STK32A: variants seen among roughly 807,000 people sequenced by gnomAD.
STK32A encodes serine/threonine kinase 32A.
STK32A carries 41 observed loss-of-function variants against 53.2 expected under a neutral mutation model. The ratio of observed to expected loss-of-function variants is 0.77; its 90% CI spans 0.60 to 1.00. The LOEUF is 1.00. STK32A is among the 50% of genes least tolerant of loss of function. The pLI is 0.00. For missense variants in STK32A, 458 were observed against 485.8 expected (o/e 0.94, Z 0.54); for synonymous variants, 166 against 162.8 (o/e 1.02, Z -0.15).
At position 147,279,273 on chromosome 5, in the gene STK32A, CAAG is replaced by C. The variant is rs767115447; in HGVS notation, c.140_142del (p.Lys47del). The C allele has an allele frequency of 2.5e-6, 4 of 1,613,602 alleles. No individual in the cohort carries two copies. Among genetic ancestry groups the C allele is most frequent in the East Asian group, 4.5e-5 (2 of 44,882 alleles). The stretch of plus-strand genomic sequence containing the variant: ...TCTGCATTGTACAGAAGAATGATAC[CAAG>C]AAGATGTACGCAATGAAGTACATGA... On this transcript the variant is annotated inframe_deletion, in exon 4 of 13. Transcript: ENST00000397936.
chr5:147,291,549 AT>A (rs776301593), intron 4 of STK32A, among the ~76,000 whole-genome samples: 2 of 134,768 alleles, frequency 1.5e-5, no homozygotes, highest in East Asian at 4.3e-4. Flanking sequence ...AACAATTACA[AT>A]TAAAAAAAAA....
intron 6 of STK32A, chr5:147,348,645 G>A (rs1300790791): frequency 2.0e-5 from 15 of 755,478 alleles, no homozygotes; most frequent in Middle Eastern, 2.3e-4. Context: ...ACAGTTGCAT[G>A]TCTGGCTGCT....
intron 2 of STK32A, among the ~76,000 whole-genome samples, chr5:147,241,407 A>C (rs895134034): frequency 3.3e-5 from 5 of 152,140 alleles, no homozygotes; most frequent in African/African-American, 1.2e-4. Context: ...GGAACCCGGG[A>C]GGCGGAGCTT....
intron 11 of STK32A, among the ~76,000 whole-genome samples, chr5:147,378,717 T>C (rs968207669): frequency 6.6e-6 from 1 of 151,942 alleles, no homozygotes; most frequent in Non-Finnish European, 1.5e-5. Context: ...CTCTCTGAGT[T>C]CTCTATTCTG....
At chr5:147,293,922 T>C (rs114316116) in intron 4 of STK32A, among the ~76,000 whole-genome samples, 8,674 of 145,326 alleles carry the variant, frequency 0.06, 305 homozygotes, top group South Asian at 0.1. Context: ...TTTATATTAG[T>C]GTGTTGTCAA....
intron 4 of STK32A, among the ~76,000 whole-genome samples, chr5:147,319,952 G>A (rs1754220781): frequency 6.6e-6 from 1 of 152,072 alleles, no homozygotes; most frequent in African/African-American, 2.4e-5. Flanking sequence ...TGGTTTTCAA[G>A]CTTTTTTGAC....
chr5:147,263,443 T>C (rs1189935053), intron 2 of STK32A, among the ~76,000 whole-genome samples: 2 of 152,036 alleles, frequency 1.3e-5, no homozygotes, highest in African/African-American at 2.4e-5. Flanking sequence ...ATATGACTGA[T>C]AGAGACTAAA....
At chr5:147,342,957 C>G (rs1344245669) in intron 5 of STK32A, 49 bp from the exon 6 acceptor site, 1 of 1,598,040 alleles carries the variant, frequency 6.3e-7, no homozygotes, top group Non-Finnish European at 8.6e-7. Context: ...CCCCTTAGTT[C>G]TGTTCGTTTT....
chr5:147,251,229 C>T (rs995335248), intron 2 of STK32A, among the ~76,000 whole-genome samples: 1 of 152,164 alleles, frequency 6.6e-6, no homozygotes, highest in Non-Finnish European at 1.5e-5. Context: ...TCTGCACTTG[C>T]TGTCTCCAAA....
intron 2 of STK32A, among the ~76,000 whole-genome samples, chr5:147,257,446 T>G (rs775694025): frequency 1.3e-5 from 2 of 152,232 alleles, no homozygotes; most frequent in Non-Finnish European, 2.9e-5. Context: ...GTGCAATAGT[T>G]TGAGGCAAAA....
intron 4 of STK32A, among the ~76,000 whole-genome samples, chr5:147,298,552 A>G (rs142291735): frequency 6.6e-6 from 1 of 152,330 alleles, no homozygotes; most frequent in East Asian, 1.9e-4. Context: ...TCGAGCTAGC[A>G]TTTCTAATGG....
rs746827293 is a variant in STK32A at position 147,370,787 on chromosome 5, C to A, written c.777+17C>A. 2 of 1,518,080 alleles carry A rather than the reference C, an allele frequency of 1.3e-6. No individual in the cohort carries two copies. Among genetic ancestry groups the A allele is most frequent in the Non-Finnish European group, 1.8e-6 (2 of 1,094,780 alleles). 94.0% of individuals were successfully genotyped at this position (1,518,080 alleles called of 1,614,324 possible). ...CTTAAAAAGGTAAGAAGGAAGACTG[C>A]ATGTCCAAACGAAGTAACAAAAGGA... On this transcript the variant is annotated intron_variant, in intron 9 of 12. Coordinates refer to ENST00000397936, the MANE Select transcript of STK32A (RefSeq NM_001112724.2).
At chr5:147,316,546 C>T (rs1417177322) in intron 4 of STK32A, among the ~76,000 whole-genome samples, 1 of 151,974 alleles carries the variant, frequency 6.6e-6, no homozygotes, top group Non-Finnish European at 1.5e-5. Context: ...ACATCAAACC[C>T]AGGAGTTCAT....
intron 4 of STK32A, among the ~76,000 whole-genome samples, chr5:147,323,151 TGG>T (rs1754401094): frequency 6.6e-6 from 1 of 152,196 alleles, no homozygotes. Flanking sequence ...CTCGTGTGAA[TGG>T]GAGCGTAGGT....
intron 2 of STK32A, among the ~76,000 whole-genome samples, chr5:147,249,574 T>C (rs1753892402): frequency 6.6e-6 from 1 of 152,052 alleles, no homozygotes; most frequent in Non-Finnish European, 1.5e-5. Context: ...CCATAAGTGC[T>C]ATGTAGAGAA....
chr5:147,337,147 A>G (rs1755174355), intron 5 of STK32A, among the ~76,000 whole-genome samples: 2 of 152,176 alleles, frequency 1.3e-5, no homozygotes, highest in Admixed American at 6.5e-5. Flanking sequence ...TGCCACAAGG[A>G]GCATTGTATT....
intron 11 of STK32A, among the ~76,000 whole-genome samples, chr5:147,376,121 A>G (rs1487931121): frequency 2.0e-5 from 3 of 152,106 alleles, no homozygotes; most frequent in Non-Finnish European, 4.4e-5. Context: ...TGTGGTAAAG[A>G]TGGCTCTGCA....
chr5:147,399,831 C>T, the STK32A span, among the ~76,000 whole-genome samples: 1 of 152,138 alleles, frequency 6.6e-6, no homozygotes, highest in African/African-American at 2.4e-5. Flanking sequence ...AGGATAAATA[C>T]ATACGTACTG....
chr5:147,268,144 A>AT (rs5872015), intron 2 of STK32A, among the ~76,000 whole-genome samples: 121,593 of 152,140 alleles, frequency 0.8, 48,930 homozygotes, highest in African/African-American at 0.87. Context: ...GTGGCTCTCA[A>AT]TACATATACA....
Sources: allele counts gnomAD v4.1 joint callset (sites outside exome capture counted in the v4.1 genomes callset), GRCh38; gene constraint gnomAD v4.1.1; transcripts MANE v1.5; gene names NCBI Gene and HGNC (gene_info 2026-07-23, HGNC 2026-07-21).